RGS3: variants seen among roughly 807,000 people sequenced by gnomAD.
The protein encoded by RGS3 is regulator of G-protein signalling 3.
A neutral mutation model predicts 132.6 loss-of-function variants in RGS3; 80 were observed. The observed-to-expected ratio is 0.60, with a 90% confidence interval of 0.50 to 0.73. RGS3 has a LOEUF of 0.73. Among genes scored for constraint, RGS3 ranks in the 30% least tolerant of loss-of-function variants. The pLI is 0.00. For synonymous variants in RGS3, 598 were observed against 620.6 expected (o/e 0.96, Z 0.54); for missense variants, 1,382 against 1,530.8 (o/e 0.90, Z 1.62).
intron 19 of RGS3, among the ~76,000 whole-genome samples, chr9:113,562,476 CAAAA>C (rs1184135248): frequency 1.5e-4 from 10 of 68,546 alleles, no homozygotes; most frequent in Admixed American, 3.2e-4. Flanking sequence ...GACTCTGTCT[CAAAA>C]AAAAAAAAAA....
intron 3 of RGS3, among the ~76,000 whole-genome samples, chr9:113,468,823 G>A (rs1162456795): frequency 6.6e-6 from 1 of 152,088 alleles, no homozygotes; most frequent in Non-Finnish European, 1.5e-5. Flanking sequence ...AGCTGGACAT[G>A]TTCTGAGGTC....
chr9:113,539,641 C>T (rs1450881809), intron 19 of RGS3, among the ~76,000 whole-genome samples: 1 of 152,176 alleles, frequency 6.6e-6, no homozygotes, highest in African/African-American at 2.4e-5. Context: ...CCCCACCCCA[C>T]CCCTGCACCA....
At chr9:113,576,232 T>A (rs1435321144) in intron 19 of RGS3, among the ~76,000 whole-genome samples, 1 of 150,796 alleles carries the variant, frequency 6.6e-6, no homozygotes, top group Non-Finnish European at 1.5e-5. Context: ...AAAAAATGAG[T>A]GTGTATTTTA....
At chr9:113,559,417 C>T (rs531525299) in intron 19 of RGS3, among the ~76,000 whole-genome samples, 6 of 152,310 alleles carry the variant, frequency 3.9e-5, no homozygotes, top group African/African-American at 7.2e-5. Flanking sequence ...GACTGCAAGG[C>T]GTGCCCCAGG....
At chr9:113,491,869 A>T (rs1830533540) in intron 7 of RGS3, among the ~76,000 whole-genome samples, 1 of 152,228 alleles carries the variant, frequency 6.6e-6, no homozygotes, top group African/African-American at 2.4e-5. Context: ...ATAATCTTTT[A>T]TACTAATAGT....
rs137990160 is a variant in RGS3, at chr9:113,584,371, G to A, written c.2959G>A (p.Gly987Ser). The A allele has an allele frequency of 8.2e-4, 1,277 of 1,555,108 alleles. 1 individual carries two copies. Among genetic ancestry groups the A allele is most frequent in the Non-Finnish European group, 1.0e-3 (1,211 of 1,158,140 alleles). The change falls in exon 20 of 25, where the codon GGC (glycine) becomes AGC (serine). Residue 987 changes from glycine (G) to serine (S), a missense_variant. Gly to Ser is a moderately conservative substitution (Grantham distance 56, BLOSUM62 0). Coordinates refer to ENST00000350696, the Ensembl canonical transcript of RGS3. ...GCCCAGCACCCTCAAGAAAGAGCTG[G>A]GCCGCAATGGTGGCTCCATGCACCA...
intron 14 of RGS3, among the ~76,000 whole-genome samples, chr9:113,513,002 G>A (rs138721368): frequency 0.022 from 3,418 of 152,180 alleles, 57 homozygotes; most frequent in Non-Finnish European, 0.036. Flanking sequence ...TTCGAGACCA[G>A]CCTGACCAAC....
intron 14 of RGS3, among the ~76,000 whole-genome samples, chr9:113,513,317 C>T (rs975419057): frequency 6.6e-6 from 1 of 152,184 alleles, no homozygotes; most frequent in Non-Finnish European, 1.5e-5. Flanking sequence ...GCCGTTGCAG[C>T]CTCTGCTGTC....
chr9:113,521,103 G>A lies in RGS3; in HGVS notation c.1759-1827G>A, dbSNP rs61250788. On this transcript the variant is annotated intron_variant, in intron 16 of 24. Transcript: ENST00000350696. ...AGCAGAAAGGAAGCGTTCAACACTT[G>A]AAGACTTCTCTTGGGCTGCACTGAG... Among the ~76,000 whole-genome samples the A allele has an allele frequency of 5.1e-3, 770 of 152,284 alleles. 4 individuals carry two copies. Among genetic ancestry groups the A allele is most frequent in the African/African-American group, 0.018 (735 of 41,534 alleles).
At chr9:113,585,403 G>C (rs968061780) in intron 20 of RGS3, among the ~76,000 whole-genome samples, 1 of 152,270 alleles carries the variant, frequency 6.6e-6, no homozygotes, top group African/African-American at 2.4e-5. Flanking sequence ...CCGCTTGAGA[G>C]GCGGCCCTCA....
intron 16 of RGS3, among the ~76,000 whole-genome samples, chr9:113,520,295 C>T (rs1488751777): frequency 6.6e-6 from 1 of 152,242 alleles, no homozygotes; most frequent in African/African-American, 2.4e-5. Flanking sequence ...TCCACATGCC[C>T]TCCCCGGCAC....
chr9:113,576,862 C>T (rs4327927), intron 19 of RGS3, among the ~76,000 whole-genome samples: 38,890 of 152,188 alleles, frequency 0.26, 6,107 homozygotes, highest in Non-Finnish European at 0.34. Context: ...GGGTCTGCAC[C>T]GCCACTGTGA....
chr9:113,479,136 C>T (rs558355274), intron 3 of RGS3: 128 of 246,882 alleles, frequency 5.2e-4, no homozygotes, highest in Middle Eastern at 2.7e-3. Context: ...TTCACTCCTT[C>T]CAACAGAGAA....
At chr9:113,500,658 C>T (rs1442507105) in intron 10 of RGS3, among the ~76,000 whole-genome samples, 3 of 151,470 alleles carry the variant, frequency 2.0e-5, no homozygotes, top group Admixed American at 2.0e-4. Flanking sequence ...CAGCAAACCA[C>T]TTCCATGGAC....
chr9:113,519,975 A>G (rs1228786082), intron 16 of RGS3, among the ~76,000 whole-genome samples: 1 of 152,170 alleles, frequency 6.6e-6, no homozygotes, highest in Non-Finnish European at 1.5e-5. Flanking sequence ...ACACTGACTC[A>G]TGGAGTTTAC....
intron 19 of RGS3, chr9:113,541,904 C>A: frequency 1.0e-6 from 1 of 973,486 alleles, no homozygotes; most frequent in South Asian, 4.7e-5. Flanking sequence ...TACTTTATGC[C>A]AGGCTCTATG....
At position 113,463,840 on chromosome 9, in the gene RGS3, G is replaced by A. The variant is rs145128645; in HGVS notation, c.415+1639G>A. The A allele has an allele frequency of 4.3e-4, 689 of 1,612,900 alleles. No homozygotes were observed. Among genetic ancestry groups the A allele is most frequent in the Non-Finnish European group, 5.6e-4 (657 of 1,179,788 alleles). On this transcript the variant is annotated intron_variant, in intron 3 of 24. Transcript: ENST00000350696. The surrounding 1 kb of genome is among the most constrained non-coding windows in gnomAD (Gnocchi z 4.6). ...CTGCACCGCGTCTCCCTCGGGAGCC[G>A]GCGTGCCCACCCGGACTTGTCCTTC...
chr9:113,452,005 T>C (rs1372242992), intron 1 of RGS3, among the ~76,000 whole-genome samples: 1 of 152,160 alleles, frequency 6.6e-6, no homozygotes, highest in Non-Finnish European at 1.5e-5. Flanking sequence ...CTTTTTGTTT[T>C]ATTTTTCTTA....
At chr9:113,453,704 T>C (rs1454204052) in intron 1 of RGS3, among the ~76,000 whole-genome samples, 1 of 71,438 alleles carries the variant, frequency 1.4e-5, no homozygotes, top group Admixed American at 1.9e-4. Context: ...GATTATATAA[T>C]ATACTCATTA....
Sources: allele counts gnomAD v4.1 joint callset (sites outside exome capture counted in the v4.1 genomes callset), GRCh38; gene constraint gnomAD v4.1.1; non-coding constraint Gnocchi (gnomAD v3.1); transcripts MANE v1.5; gene names NCBI Gene and HGNC (gene_info 2026-07-23, HGNC 2026-07-21).